POP1: variants seen among roughly 807,000 people sequenced by gnomAD.
POP1 encodes POP1 ribonuclease P/MRP subunit, also known as ribonucleases P/MRP protein subunit POP1.
POP1 carries 75 observed loss-of-function variants against 102.2 expected under a neutral mutation model. That is an observed-to-expected ratio of 0.73 (90% confidence interval 0.61 to 0.89). POP1 has a LOEUF of 0.89. POP1 is among the 40% of genes least tolerant of loss of function. The pLI is 0.00. For synonymous variants in POP1, 436 were observed against 464.1 expected, an observed-to-expected ratio of 0.94 and a Z score of 0.78; for missense variants, 1,116 against 1,267.4, an observed-to-expected ratio of 0.88 and a Z score of 1.81.
intron 2 of POP1, among the ~76,000 whole-genome samples, chr8:98,125,799 C>T (rs368810363): frequency 3.3e-5 from 5 of 152,084 alleles, no homozygotes; most frequent in Non-Finnish European, 5.9e-5. Flanking sequence ...CTTGGCCTCC[C>T]AAAGTGCTGG....
Position 98,152,926 on chromosome 8 carries a change from G to T in POP1, c.2057+2287G>T, listed in dbSNP as rs116995255. The stretch of plus-strand genomic sequence containing the variant: ...CACCATTGTAGGCGGTGGGGTGACA[G>T]CAGGGACAAGGCAGACAAGTCTGTC... On this transcript the variant is annotated intron_variant, in intron 14 of 15. Transcript: ENST00000401707. Among the ~76,000 whole-genome samples the T allele has an allele frequency of 1.8e-3, 277 of 152,328 alleles. 4 individuals carry two copies. In the East Asian group the frequency reaches 0.025, roughly 14 times the overall value.
intron 12 of POP1, among the ~76,000 whole-genome samples, chr8:98,146,894 T>A (rs1816858011): frequency 1.3e-5 from 2 of 152,216 alleles, no homozygotes; most frequent in Admixed American, 1.3e-4. Flanking sequence ...GATCTAAGAA[T>A]AAGATAAGGA....
chr8:98,122,411 T>G (rs1816056875), intron 1 of POP1, among the ~76,000 whole-genome samples: 1 of 152,204 alleles, frequency 6.6e-6, no homozygotes, highest in Non-Finnish European at 1.5e-5. Flanking sequence ...GAGAACAGCT[T>G]GGTAAATACC....
At chr8:98,153,197 T>C (rs372813341) in intron 14 of POP1, among the ~76,000 whole-genome samples, 21 of 152,326 alleles carry the variant, frequency 1.4e-4, no homozygotes, top group African/African-American at 5.1e-4. Context: ...CTTGAACTCC[T>C]GGCCTCAAGC....
Position 98,140,852 on chromosome 8 carries a change from A to G in POP1, c.1558A>G (p.Lys520Glu), listed in dbSNP as rs780032645. Residue 520 changes from lysine (K) to glutamate (E), a missense_variant, in exon 11 of 16, where the codon AAG becomes GAG. Lys to Glu is a moderately conservative substitution (Grantham distance 56). Coordinates refer to ENST00000401707, the MANE Select transcript of POP1 (RefSeq NM_001145860.2). Reference sequence around the variant, plus strand: ...TCCTCGAATAAATTTGCCCCAAAAGAAGTCCAAAGCTTTGCCCAATCCAGA... The same window carrying G: ...TCCTCGAATAAATTTGCCCCAAAAGGAGTCCAAAGCTTTGCCCAATCCAGA... Reference protein sequence around the residue: ...GDPRINLPQKKSKALPNPEKC... With the variant: ...GDPRINLPQKESKALPNPEKC... The G allele has an allele frequency of 1.2e-5, 20 of 1,613,948 alleles. No homozygotes were observed. In the South Asian group the frequency reaches 2.0e-4, roughly 16 times the overall value.
chr8:98,158,012 G>C lies in POP1; in HGVS notation c.2816G>C (p.Gly939Ala). ...DGPAGEEPVA[G>A]QEALTLGLWS... ...CCGGCGGGGGAAGAGCCCGTGGCTGGGCAGGAAGCTCTGACTCTAGGGCTG... is the reference window on the plus strand; with the variant it reads ...CCGGCGGGGGAAGAGCCCGTGGCTGCGCAGGAAGCTCTGACTCTAGGGCTG... The change falls in exon 16 of 16, where the codon GGG becomes GCG. Residue 939 changes from glycine to alanine, a missense_variant. By Grantham distance (60) the Gly-to-Ala change is moderately conservative. Coordinates refer to ENST00000401707, the MANE Select transcript of POP1 (RefSeq NM_001145860.2). 6.2e-7 allele frequency: 1 copy of C among 1,612,102 alleles called. No homozygotes were observed. The highest frequency in any genetic ancestry group is 8.5e-7 in the Non-Finnish European group (1 of 1,180,028).
chr8:98,120,813 A>AT (rs1414880702), intron 1 of POP1, among the ~76,000 whole-genome samples: 1 of 152,026 alleles, frequency 6.6e-6, no homozygotes, highest in African/African-American at 2.4e-5. Flanking sequence ...CGCCCGGCTA[A>AT]TTTTTTGTAT....
chr8:98,143,100 C>T (rs1031599098), intron 11 of POP1, among the ~76,000 whole-genome samples: 1 of 152,198 alleles, frequency 6.6e-6, no homozygotes, highest in African/African-American at 2.4e-5. Context: ...GCAAGCTCCT[C>T]CCTTCAGTCT....
chr8:98,145,558 G>A (rs1289060546), intron 11 of POP1, among the ~76,000 whole-genome samples: 1 of 152,072 alleles, frequency 6.6e-6, no homozygotes, highest in African/African-American at 2.4e-5. Context: ...TTCTAGCACG[G>A]TACAGCTTAT....
At chr8:98,126,883 C>CA in intron 2 of POP1, among the ~76,000 whole-genome samples, 1 of 152,052 alleles carries the variant, frequency 6.6e-6, no homozygotes. Flanking sequence ...ACGAATATTC[C>CA]AAAATCCAAA....
intron 14 of POP1, 174 bp from the exon 15 acceptor site, chr8:98,155,876 A>C: frequency 1.1e-5 from 8 of 701,698 alleles, no homozygotes; most frequent in East Asian, 6.4e-5. Flanking sequence ...AGCCCAGCCT[A>C]TTATTCTTTA....
chr8:98,120,184 C>T (rs1187749436), intron 1 of POP1, among the ~76,000 whole-genome samples: 1 of 152,114 alleles, frequency 6.6e-6, no homozygotes, highest in Non-Finnish European at 1.5e-5. Context: ...TAATGCAGAC[C>T]GATCTGAATC....
At chr8:98,126,844 A>G (rs1395373511) in intron 2 of POP1, among the ~76,000 whole-genome samples, 1 of 152,206 alleles carries the variant, frequency 6.6e-6, no homozygotes, top group Non-Finnish European at 1.5e-5. Flanking sequence ...CTTGTGTTCT[A>G]TCCTCAAGAT....
At chr8:98,136,360 GCCA>G in intron 7 of POP1, 119 bp from the exon 8 acceptor site, 2 of 1,053,890 alleles carry the variant, frequency 1.9e-6, no homozygotes, top group South Asian at 3.3e-5. Flanking sequence ...ACAGGTATGA[GCCA>G]CCGTGCCTGG....
chr8:98,123,037 T>G (rs776587874), intron 1 of POP1, among the ~76,000 whole-genome samples: 14 of 152,360 alleles, frequency 9.2e-5, no homozygotes, highest in Non-Finnish European at 1.3e-4. Flanking sequence ...GTGTTCTGTA[T>G]TTCATTGATT....
chr8:98,148,961 T>G lies in POP1; in HGVS notation c.1857T>G (p.Asp619Glu). The G allele has an allele frequency of 6.2e-7, 1 of 1,613,736 alleles. No individual in the cohort carries two copies. Among genetic ancestry groups the G allele is most frequent in the African/African-American group, 1.3e-5 (1 of 75,056 alleles). ...EDRLGWGSGW[D>E]VLLPKGWGMA... ...GACTAGGCTGGGGAAGTGGCTGGGA[T>G]GTCCTACTCCCAAAGGGCTGGGGCA... The change falls in exon 13 of 16, where the codon GAT becomes GAG. Residue 619 changes from aspartate (D) to glutamate (E), a missense_variant. Transcript: ENST00000401707.
chr8:98,153,838 G>A (rs1386104659), intron 14 of POP1, among the ~76,000 whole-genome samples: 1 of 152,124 alleles, frequency 6.6e-6, no homozygotes, highest in East Asian at 1.9e-4. Flanking sequence ...GCCCGGCCCT[G>A]GCTCTTAATC....
rs1029182162 is a variant in POP1 at position 98,158,958 on chromosome 8, AATT to A, written c.*697_*699del. The A allele has an allele frequency of 2.6e-5, 4 of 152,176 alleles. No homozygotes were observed. The highest frequency in any genetic ancestry group is 2.1e-4 in the South Asian group (1 of 4,824). The allele number at this position is 152,176 out of a possible 1,614,324, so 9.4% of individuals were successfully genotyped here. On this transcript the variant is annotated 3_prime_UTR_variant, in exon 16 of 16. Coordinates refer to ENST00000401707, the MANE Select transcript of POP1 (RefSeq NM_001145860.2). Reference sequence around the variant, plus strand: ...AGTTACTTAATTTTTTTAAGTAAAAAATTATTATTATTTTGTTTCTGCAAAGAT... The same window carrying A: ...AGTTACTTAATTTTTTTAAGTAAAAAATTATTATTTTGTTTCTGCAAAGAT...
chr8:98,148,350 A>G (rs1351316704), intron 12 of POP1, among the ~76,000 whole-genome samples: 1 of 152,182 alleles, frequency 6.6e-6, no homozygotes, highest in Non-Finnish European at 1.5e-5. Context: ...CACCCCCTAC[A>G]TTCCCCTTAA....
Sources: allele counts gnomAD v4.1 joint callset (sites outside exome capture counted in the v4.1 genomes callset), GRCh38; gene constraint gnomAD v4.1.1; transcripts MANE v1.5; gene names NCBI Gene and HGNC (gene_info 2026-07-23, HGNC 2026-07-21).